The following CLDN16 variants were observed in gnomAD, a reference collection of about 807,000 sequenced individuals.
CLDN16 encodes the protein claudin-16.
In CLDN16, 13 loss-of-function variants were observed where a neutral mutation model predicts 24.6. The observed-to-expected ratio is 0.53, with a 90% CI of 0.34 to 0.84. CLDN16 has a LOEUF of 0.84. Ranked by LOEUF, CLDN16 falls within the 40% of genes least tolerant of loss-of-function variation. The pLI is 0.01. For missense variants in CLDN16, 298 were observed against 292.7 expected, an observed-to-expected ratio of 1.02 and a Z score of -0.13; for synonymous variants, 116 against 106.7, an observed-to-expected ratio of 1.09 and a Z score of -0.54.
chr3:190,394,593 C>G (rs1313333606), intron 1 of CLDN16, among the ~76,000 whole-genome samples: 1 of 152,062 alleles, frequency 6.6e-6, no homozygotes, highest in African/African-American at 2.4e-5. Context: ...TACAAATGTT[C>G]TCTTATTTAT....
chr3:190,395,570 T>C (rs1718797740), intron 1 of CLDN16, among the ~76,000 whole-genome samples: 1 of 152,182 alleles, frequency 6.6e-6, no homozygotes, highest in East Asian at 1.9e-4. Flanking sequence ...TTTACTACAA[T>C]ATTATTAAAA....
Position 190,388,456 on chromosome 3 carries a change from CA to C in CLDN16, c.114+14del, listed in dbSNP as rs1718567012. 1 of 1,610,966 alleles carries C rather than the reference CA, an allele frequency of 6.2e-7. No individual in the cohort carries two copies. On this transcript the variant is annotated intron_variant, in intron 1 of 4. Coordinates refer to ENST00000264734, the MANE Select transcript of CLDN16 (RefSeq NM_006580.4). Reference sequence around the variant, plus strand: ...TGACTCTCTGGAGGTAAGAAGATAGCAGCTTCTTTTCATGATCCAGGCCAGC... The same window carrying C: ...TGACTCTCTGGAGGTAAGAAGATAGCGCTTCTTTTCATGATCCAGGCCAGC...
At position 190,363,556 on chromosome 3, in the gene CLDN16, G is replaced by GCACA. The variant is rs1560088011; in HGVS notation, n.122-7337_122-7336insCACA. Among the ~76,000 whole-genome samples the GCACA allele has an allele frequency of 2.9e-3, 256 of 87,398 alleles. 16 individuals are homozygous for GCACA. In the East Asian group the frequency reaches 0.032, roughly 11 times the overall value. 57.3% of individuals were successfully genotyped at this position (87,398 alleles called of 152,430 possible). A position where few individuals can be genotyped will look rare whatever the true frequency, so the allele number is the denominator to read the frequency against. ...AGTTGCTGTGCGTGTGTGTGTGTGTGTATATATATATATATATATATATAT... is the reference window on the plus strand; with the variant it reads ...AGTTGCTGTGCGTGTGTGTGTGTGTGCACATATATATATATATATATATATATAT... On this transcript the variant is annotated intron_variant and non_coding_transcript_variant, in intron 1 of 4. Coordinates refer to the CLDN16 transcript ENST00000468220.
At chr3:190,346,087 G>A (rs76552233) in intron 1 of CLDN16, among the ~76,000 whole-genome samples, 2 of 151,904 alleles carry the variant, frequency 1.3e-5, no homozygotes, top group African/African-American at 4.8e-5. Flanking sequence ...GCGTCCTATG[G>A]CACGTAAGAC....
At chr3:190,397,716 T>C (rs1004856233) in intron 1 of CLDN16, among the ~76,000 whole-genome samples, 2 of 152,212 alleles carry the variant, frequency 1.3e-5, no homozygotes, top group Non-Finnish European at 2.9e-5. Context: ...TCACGTACCT[T>C]AACTGAGTGT....
chr3:190,312,765 A>T, the CLDN16 span: 1 of 1,228,544 alleles, frequency 8.1e-7, no homozygotes, highest in Non-Finnish European at 1.2e-6. Flanking sequence ...CTATGTTTGC[A>T]GTTTGCCTTA....
At chr3:190,310,970 C>CA in the CLDN16 span, among the ~76,000 whole-genome samples, 1 of 151,972 alleles carries the variant, frequency 6.6e-6, no homozygotes, top group Non-Finnish European at 1.5e-5. Context: ...ATTTTTTTAT[C>CA]AAAAAAGTTA....
At chr3:190,344,223 C>T (rs78228666) in intron 1 of CLDN16, among the ~76,000 whole-genome samples, 7,168 of 152,010 alleles carry the variant, frequency 0.047, 562 homozygotes, top group African/African-American at 0.16. Flanking sequence ...CTAAATAACA[C>T]CTTCAGAGAA....
intron 1 of CLDN16, among the ~76,000 whole-genome samples, chr3:190,357,532 A>G (rs1045277380): frequency 5.9e-5 from 9 of 151,496 alleles, no homozygotes; most frequent in Non-Finnish European, 1.2e-4. Flanking sequence ...TCTAAACTTC[A>G]AATGTGACCC....
chr3:190,318,025 A>G (rs3774024), upstream of CLDN16, among the ~76,000 whole-genome samples: 8,273 of 152,326 alleles, frequency 0.054, 320 homozygotes, highest in East Asian at 0.15. Context: ...AGACAGTCAC[A>G]GAAGTGTACT....
intron 1 of CLDN16, among the ~76,000 whole-genome samples, chr3:190,401,714 T>A (rs922627503): frequency 1.3e-5 from 2 of 152,204 alleles, no homozygotes; most frequent in Non-Finnish European, 2.9e-5. Context: ...TCTGCTTACA[T>A]CCTTTACATA....
intron 3 of CLDN16, among the ~76,000 whole-genome samples, chr3:190,380,525 T>G (rs1191698425): frequency 6.6e-6 from 1 of 152,020 alleles, no homozygotes; most frequent in Non-Finnish European, 1.5e-5. Flanking sequence ...GTTGAGAGAC[T>G]GAAGTATTCA....
intron 1 of CLDN16, among the ~76,000 whole-genome samples, chr3:190,360,165 CAACA>C (rs1416544267): frequency 6.6e-6 from 1 of 151,944 alleles, no homozygotes; most frequent in Non-Finnish European, 1.5e-5. Context: ...CAAAGAAATA[CAACA>C]AACAGTAGAG....
intron 1 of CLDN16, among the ~76,000 whole-genome samples, chr3:190,332,448 A>C (rs1439517705): frequency 2.0e-5 from 3 of 152,184 alleles, no homozygotes; most frequent in Non-Finnish European, 4.4e-5. Flanking sequence ...ATAACACCTT[A>C]AGTAGGAGTG....
At chr3:190,405,029 T>A in intron 3 of CLDN16, 103 bp downstream of exon 3, 1 of 1,159,120 alleles carries the variant, frequency 8.6e-7, no homozygotes, top group Non-Finnish European at 1.3e-6. Flanking sequence ...GGATTATATG[T>A]GGCTTCCCTT....
intron 1 of CLDN16, among the ~76,000 whole-genome samples, chr3:190,368,000 T>G (rs1207978099): frequency 3.3e-5 from 5 of 151,890 alleles, no homozygotes; most frequent in African/African-American, 1.2e-4. Flanking sequence ...TGGGTCCTGA[T>G]GTGTTGGGGA....
chr3:190,335,914 G>T (rs1471442816), intron 1 of CLDN16, among the ~76,000 whole-genome samples: 1 of 152,110 alleles, frequency 6.6e-6, no homozygotes, highest in Admixed American at 6.6e-5. Flanking sequence ...CAGCTTGGTA[G>T]TAAGGATGAC....
At chr3:190,396,168 C>A (rs1047924347) in intron 1 of CLDN16, among the ~76,000 whole-genome samples, 1 of 152,110 alleles carries the variant, frequency 6.6e-6, no homozygotes, top group African/African-American at 2.4e-5. Context: ...GATTAAGGAA[C>A]TAATTTATGT....
intron 1 of CLDN16, among the ~76,000 whole-genome samples, chr3:190,326,836 G>T (rs995404901): frequency 6.6e-6 from 1 of 152,166 alleles, no homozygotes; most frequent in Admixed American, 6.5e-5. Flanking sequence ...TTGAAACAAG[G>T]TGCTGAATGA....
Sources: allele counts gnomAD v4.1 joint callset (sites outside exome capture counted in the v4.1 genomes callset), GRCh38; gene constraint gnomAD v4.1.1; transcripts MANE v1.5; gene names NCBI Gene and HGNC (gene_info 2026-07-23, HGNC 2026-07-21).